Variants in PHF14 observed in about 807,000 individuals in gnomAD.
The protein encoded by PHF14 is PHD finger protein 14.
Under a neutral mutation model 117.9 loss-of-function variants are expected in PHF14, and 55 were observed. The observed-to-expected ratio is 0.47, with a 90% CI of 0.38 to 0.58. PHF14 has a LOEUF of 0.58. Ranked by LOEUF, PHF14 falls within the 20% of genes least tolerant of loss-of-function variation. PHF14 has a pLI of 0.00. For missense variants in PHF14, 978 were observed against 1,122.2 expected, an observed-to-expected ratio of 0.87 and a Z score of 1.84; for synonymous variants, 409 against 368.6, an observed-to-expected ratio of 1.11 and a Z score of -1.26.
At chr7:10,991,703 A>G (rs989287075) in intron 4 of PHF14, among the ~76,000 whole-genome samples, 1 of 148,384 alleles carries the variant, frequency 6.7e-6, no homozygotes, top group Admixed American at 6.7e-5. Flanking sequence ...GTGTTCTGGT[A>G]TTGTATTTTA....
At chr7:11,107,809 T>G in intron 16 of PHF14, 1 of 825,488 alleles carries the variant, frequency 1.2e-6, no homozygotes, top group African/African-American at 1.8e-5. Context: ...ATTCACTATT[T>G]ATTTTGATAA....
Position 11,077,552 on chromosome 7 carries a change from G to C in PHF14, c.2654+15467G>C, listed in dbSNP as rs527504266. Among the ~76,000 whole-genome samples the C allele has an allele frequency of 1.5e-3, 213 of 140,628 alleles. 2 individuals carry two copies. Among genetic ancestry groups the C allele is most frequent in the African/African-American group, 5.5e-3 (204 of 37,364 alleles). The allele number at this position is 140,628 out of a possible 152,430, so 92.3% of individuals were successfully genotyped here. A position where few individuals can be genotyped will look rare whatever the true frequency, so the allele number is the denominator to read the frequency against. On this transcript the variant is annotated intron_variant, in intron 16 of 17. Transcript: ENST00000634607. Reference sequence around the variant, plus strand: ...GGAGGCAAAGGTTGTAGTGAGCCCAGATCGCGCCACTGCACTCCGGCCTGG... The same window carrying C: ...GGAGGCAAAGGTTGTAGTGAGCCCACATCGCGCCACTGCACTCCGGCCTGG...
intron 16 of PHF14, chr7:11,104,073 CTT>C (rs1787178394): frequency 1.5e-5 from 15 of 984,746 alleles, no homozygotes; most frequent in Non-Finnish European, 1.6e-5. Context: ...CCATGGCCCT[CTT>C]TTAATATTTA....
chr7:11,079,309 G>T (rs988447247), intron 16 of PHF14, among the ~76,000 whole-genome samples: 3 of 152,020 alleles, frequency 2.0e-5, no homozygotes, highest in Non-Finnish European at 4.4e-5. Context: ...TAAGCTGAGC[G>T]GTTATTCTAA....
chr7:11,093,630 T>A (rs946192499), intron 16 of PHF14, among the ~76,000 whole-genome samples: 1 of 152,236 alleles, frequency 6.6e-6, no homozygotes, highest in Admixed American at 6.5e-5. Context: ...TACTTAGCAG[T>A]AGACTGTCAC....
chr7:11,070,743 A>G (rs887605281), intron 16 of PHF14, among the ~76,000 whole-genome samples: 1 of 152,234 alleles, frequency 6.6e-6, no homozygotes, highest in Non-Finnish European at 1.5e-5. Context: ...AGGTGAGTAT[A>G]GCATCTGGAC....
intron 16 of PHF14, among the ~76,000 whole-genome samples, chr7:11,083,294 T>C (rs1190489571): frequency 1.3e-5 from 2 of 152,120 alleles, no homozygotes; most frequent in East Asian, 3.9e-4. Flanking sequence ...ACTCCAAGCT[T>C]TATTTCTGAC....
chr7:11,063,560 T>C, intron 16 of PHF14: 1 of 972,118 alleles, frequency 1.0e-6, no homozygotes, highest in Non-Finnish European at 1.2e-6. Context: ...TTATTAATTA[T>C]TTGAACCTGT....
At chr7:11,110,827 C>T (rs539641342) in intron 16 of PHF14, among the ~76,000 whole-genome samples, 6 of 152,076 alleles carry the variant, frequency 3.9e-5, no homozygotes, top group African/African-American at 1.2e-4. Context: ...TCTACTTTAA[C>T]TTGAAGAAAG....
chr7:11,145,925 A>G (rs1458293033), intron 17 of PHF14, among the ~76,000 whole-genome samples: 2 of 152,060 alleles, frequency 1.3e-5, no homozygotes, highest in Non-Finnish European at 2.9e-5. Flanking sequence ...AGCATAATTT[A>G]TATTCTCATT....
chr7:11,135,644 A>G (rs1055954238), intron 17 of PHF14, among the ~76,000 whole-genome samples: 2 of 152,086 alleles, frequency 1.3e-5, no homozygotes, highest in East Asian at 1.9e-4. Context: ...AGAAGCAACA[A>G]TTTCCTGCAC....
At chr7:11,000,709 T>C (rs369069246) in intron 4 of PHF14, among the ~76,000 whole-genome samples, 1 of 152,146 alleles carries the variant, frequency 6.6e-6, no homozygotes, top group Non-Finnish European at 1.5e-5. Context: ...TAAAAATTGG[T>C]TTGTTTTCTT....
At chr7:11,141,791 TG>T (rs1290572514) in intron 17 of PHF14, among the ~76,000 whole-genome samples, 1 of 152,074 alleles carries the variant, frequency 6.6e-6, no homozygotes, top group African/African-American at 2.4e-5. Context: ...GTCTAACAGC[TG>T]TAAGTTTTTC....
At chr7:10,979,001 T>C (rs17163857) in intron 2 of PHF14, among the ~76,000 whole-genome samples, 2,179 of 152,260 alleles carry the variant, frequency 0.014, 52 homozygotes, top group East Asian at 0.11. Context: ...CTGTTATCTA[T>C]TGTGTATATT....
chr7:10,980,957 C>T (rs1183982527), intron 2 of PHF14, among the ~76,000 whole-genome samples: 1 of 152,096 alleles, frequency 6.6e-6, no homozygotes, highest in African/African-American at 2.4e-5. Context: ...TTTTTCAGAA[C>T]AGTCCCAAGT....
chr7:10,987,912 A>T (rs1782280195), intron 3 of PHF14, among the ~76,000 whole-genome samples: 1 of 150,598 alleles, frequency 6.6e-6, no homozygotes, highest in Non-Finnish European at 1.5e-5. Flanking sequence ...GCTACTCGGG[A>T]GGCTGAGGCA....
intron 16 of PHF14, among the ~76,000 whole-genome samples, chr7:11,084,733 G>C (rs1315978556): frequency 6.6e-6 from 1 of 151,996 alleles, no homozygotes; most frequent in Non-Finnish European, 1.5e-5. Context: ...TTACCCACTG[G>C]ACATGAATGT....
At chr7:11,078,284 G>A (rs1202324920) in intron 16 of PHF14, among the ~76,000 whole-genome samples, 3 of 152,054 alleles carry the variant, frequency 2.0e-5, no homozygotes, top group Non-Finnish European at 2.9e-5. Context: ...TCTTTTCTGG[G>A]CAGTGATAGT....
At chr7:10,989,355 T>A (rs979002910) in intron 3 of PHF14, among the ~76,000 whole-genome samples, 1 of 151,986 alleles carries the variant, frequency 6.6e-6, no homozygotes, top group East Asian at 1.9e-4. Flanking sequence ...ATATAAAAAA[T>A]AATAAAACAT....
Sources: allele counts gnomAD v4.1 joint callset (sites outside exome capture counted in the v4.1 genomes callset), GRCh38; gene constraint gnomAD v4.1.1; transcripts MANE v1.5; gene names NCBI Gene and HGNC (gene_info 2026-07-23, HGNC 2026-07-21).